The following CCR3 variants were observed in gnomAD, a reference collection of about 807,000 sequenced individuals.
CCR3 encodes C-C motif chemokine receptor 3.
For synonymous variants in CCR3, 203 were observed against 179.2 expected (o/e 1.13, Z -1.06); for missense variants, 419 against 437.5 (o/e 0.96, Z 0.38).
intron 2 of CCR3, among the ~76,000 whole-genome samples, chr3:46,213,220 C>A (rs933722997): frequency 5.3e-5 from 8 of 152,100 alleles, no homozygotes; most frequent in African/African-American, 1.7e-4. Flanking sequence ...TTAGATGAAT[C>A]GTCCAAGGTG....
At chr3:46,238,766 C>A (rs573991758), upstream of CCR3, among the ~76,000 whole-genome samples, 48 of 152,188 alleles carry the variant, frequency 3.2e-4, no homozygotes, top group South Asian at 9.5e-3. Context: ...ACCTGAGGGA[C>A]CCTACAATCA....
chr3:46,248,445 A>C (rs1317280400), intron 1 of CCR3, among the ~76,000 whole-genome samples: 2 of 152,204 alleles, frequency 1.3e-5, no homozygotes, highest in East Asian at 3.8e-4. Context: ...TTGTTTGGAC[A>C]GAAAGGCTAC....
intron 2 of CCR3, among the ~76,000 whole-genome samples, chr3:46,231,300 G>A (rs775473133): frequency 6.6e-6 from 1 of 152,182 alleles, no homozygotes; most frequent in Non-Finnish European, 1.5e-5. Context: ...ATGGAAATGG[G>A]CTGTGCACCC....
chr3:46,260,763 G>A (rs1700511360), intron 1 of CCR3, among the ~76,000 whole-genome samples: 1 of 152,218 alleles, frequency 6.6e-6, no homozygotes, highest in Non-Finnish European at 1.5e-5. Flanking sequence ...TTATTTTGAT[G>A]AGAAATAAAA....
At chr3:46,262,109 A>G (rs1328678578) in intron 1 of CCR3, among the ~76,000 whole-genome samples, 1 of 152,222 alleles carries the variant, frequency 6.6e-6, no homozygotes, top group African/African-American at 2.4e-5. Context: ...CTCTGCCACC[A>G]TCTTAGAAAG....
upstream of CCR3, among the ~76,000 whole-genome samples, chr3:46,240,829 C>G (rs557505276): frequency 6.6e-6 from 1 of 152,266 alleles, no homozygotes; most frequent in South Asian, 2.1e-4. Flanking sequence ...ATGTAGCTTG[C>G]CCACGGTGAT....
At chr3:46,256,951 GCACACA>G (rs34816775) in intron 1 of CCR3, among the ~76,000 whole-genome samples, 1 of 150,300 alleles carries the variant, frequency 6.7e-6, no homozygotes, top group Non-Finnish European at 1.5e-5. Flanking sequence ...TCACATTTGT[GCACACA>G]CACACACACA....
At chr3:46,243,002 T>TATATACACAC (rs56773457) in intron 1 of CCR3, among the ~76,000 whole-genome samples, 27 of 123,722 alleles carry the variant, frequency 2.2e-4, no homozygotes, top group Admixed American at 5.7e-4. Context: ...TATATATATA[T>TATATACACAC]ACGCACACAC....
intron 1 of CCR3, among the ~76,000 whole-genome samples, chr3:46,251,937 G>A (rs1316800584): frequency 6.6e-6 from 1 of 152,078 alleles, no homozygotes; most frequent in East Asian, 1.9e-4. Context: ...GTGGTGGAGT[G>A]TCATCAGTTA....
chr3:46,240,929 G>A (rs2125926595), upstream of CCR3, among the ~76,000 whole-genome samples: 1 of 152,276 alleles, frequency 6.6e-6, no homozygotes, highest in South Asian at 2.1e-4. Context: ...TTTTGTTTTA[G>A]CCAATTTGAA....
intron 2 of CCR3, among the ~76,000 whole-genome samples, chr3:46,224,398 A>T (rs980843766): frequency 6.6e-6 from 1 of 151,898 alleles, no homozygotes; most frequent in Admixed American, 6.6e-5. Flanking sequence ...GGAGTTCAGG[A>T]CCAGCCTGGC....
At chr3:46,254,286 A>G (rs6441948) in intron 1 of CCR3, among the ~76,000 whole-genome samples, 91,296 of 151,970 alleles carry the variant, frequency 0.6, 27,958 homozygotes, top group East Asian at 0.91. Context: ...AAAGGGGAGA[A>G]TAAAAGAAAC....
rs201751920 is a variant in CCR3, at chr3:46,266,096, G to A, written c.938G>A (p.Arg313His). The change falls in exon 2 of 2, where the codon CGC becomes CAC. Residue 313 changes from arginine (R) to histidine (H), a missense_variant. Arg to His is a conservative substitution (Grantham distance 29). Coordinates refer to ENST00000395940, the MANE Select transcript of CCR3 (RefSeq NM_178329.3). ...FVGERFRKYL[R>H]HFFHRHLLMH... is the part of the protein sequence containing the mutation. ...GGAGAGAGGTTCCGGAAGTACCTGCGCCACTTCTTCCACAGGCACTTGCTC... is the reference window on the plus strand; with the variant it reads ...GGAGAGAGGTTCCGGAAGTACCTGCACCACTTCTTCCACAGGCACTTGCTC... 37 of 1,613,786 alleles carry A rather than the reference G, an allele frequency of 2.3e-5. No homozygotes were observed. The highest frequency in any genetic ancestry group is 1.3e-4 in the South Asian group (12 of 91,070).
chr3:46,223,226 T>C lies in CCR3; in HGVS notation c.-68+12319T>C, dbSNP rs577434835. ...AATTAGCTGGGTGTGGTGGTGGACA[T>C]CTGTAATCCCAGCAGAGGGAGGAGA... On this transcript the variant is annotated intron_variant, in intron 2 of 3. Transcript: ENST00000357422. Among the ~76,000 whole-genome samples the C allele has an allele frequency of 2.0e-5, 3 of 152,240 alleles. No individual in the cohort carries two copies. The South Asian group carries it at 6.2e-4, about 32-fold the overall frequency.
At chr3:46,255,909 T>G (rs986561721) in intron 1 of CCR3, among the ~76,000 whole-genome samples, 5 of 151,676 alleles carry the variant, frequency 3.3e-5, no homozygotes, top group African/African-American at 1.2e-4. Flanking sequence ...ATGTGAATTT[T>G]GGGATTTTTT....
At chr3:46,212,494 C>T (rs1575481916) in intron 2 of CCR3, among the ~76,000 whole-genome samples, 1 of 145,198 alleles carries the variant, frequency 6.9e-6, no homozygotes, top group African/African-American at 2.5e-5. Flanking sequence ...TACCACACTC[C>T]TCTTGTCTTG....
intron 2 of CCR3, among the ~76,000 whole-genome samples, chr3:46,233,563 G>T (rs1197390196): frequency 6.6e-6 from 1 of 152,084 alleles, no homozygotes; most frequent in Non-Finnish European, 1.5e-5. Flanking sequence ...AAATGTGTCT[G>T]CTTCAGTGTA....
Position 46,266,350 on chromosome 3 carries a change from A to T in CCR3, c.*124A>T. 1.5e-6 allele frequency: 1 copy of T among 646,498 alleles called. No homozygotes were observed. Among genetic ancestry groups the T allele is most frequent in the African/African-American group, 1.8e-5 (1 of 54,582 alleles). 40.0% of individuals were successfully genotyped at this position (646,498 alleles called of 1,614,324 possible). Reference sequence around the variant, plus strand: ...CAGTGCAACACTGAAGCTCTTGAAGACACTGAAATATACACACAGCAGTAG... The same window carrying T: ...CAGTGCAACACTGAAGCTCTTGAAGTCACTGAAATATACACACAGCAGTAG... On this transcript the variant is annotated 3_prime_UTR_variant, in exon 2 of 2. Transcript: ENST00000395940.
upstream of CCR3, chr3:46,242,278 C>T (rs1700097075): frequency 6.6e-6 from 1 of 152,160 alleles, no homozygotes; most frequent in South Asian, 2.1e-4. Flanking sequence ...AGAAGAACTG[C>T]ACGAAAGTAT....
Sources: allele counts gnomAD v4.1 joint callset (sites outside exome capture counted in the v4.1 genomes callset), GRCh38; gene constraint gnomAD v4.1.1; transcripts MANE v1.5; gene names NCBI Gene and HGNC (gene_info 2026-07-23, HGNC 2026-07-21).